Variants in EZH2 observed in about 807,000 individuals in gnomAD.
EZH2 encodes the protein histone-lysine N-methyltransferase EZH2.
A neutral mutation model predicts 98.4 loss-of-function variants in EZH2; 18 were observed. The ratio of observed to expected loss-of-function variants is 0.18; its 90% CI spans 0.13 to 0.27. EZH2 has a LOEUF of 0.27. Ranked by LOEUF, EZH2 falls within the 10% of genes least tolerant of loss-of-function variation. The pLI, the probability that EZH2 is intolerant of heterozygous loss-of-function variation, is 1.00. For missense variants in EZH2, 470 were observed against 935.1 expected (o/e 0.50, Z 6.49); for synonymous variants, 338 against 312.3 (o/e 1.08, Z -0.87).
In EZH2 at chr7:148,840,919, T is replaced by C. The variant is rs144498166; in HGVS notation, c.246+5551A>G. ...GATTTGTTGTTTTATTTTTAAATAG[T>C]TGTCAGAACTCGGTTTTGCATTTGG... On this transcript the variant is annotated intron_variant, in intron 3 of 19. Transcript: ENST00000320356. 3.9e-3 allele frequency among the ~76,000 whole-genome samples: 595 copies of C among 152,308 alleles called. 2 individuals are homozygous for C. The highest frequency in any genetic ancestry group is 0.013 in the African/African-American group (555 of 41,576).
chr7:148,819,073 G>A (rs1805304412), intron 9 of EZH2: 1 of 456,266 alleles, frequency 2.2e-6, no homozygotes, highest in Non-Finnish European at 4.4e-6. Flanking sequence ...GGTTCAAAGA[G>A]GGGAAATGGT....
At chr7:148,826,063 A>G (rs925661603) in intron 8 of EZH2, among the ~76,000 whole-genome samples, 3 of 152,242 alleles carry the variant, frequency 2.0e-5, no homozygotes, top group Non-Finnish European at 4.4e-5. Context: ...ATTACATTAA[A>G]TCGACAAGCA....
chr7:148,829,217 GATA>G (rs905172126), intron 5 of EZH2, among the ~76,000 whole-genome samples: 11 of 152,234 alleles, frequency 7.2e-5, no homozygotes, highest in African/African-American at 2.4e-4. Context: ...GCTTTCTGCT[GATA>G]ATGACAATGG....
chr7:148,816,974 A>C, intron 11 of EZH2, 196 bp from the exon 12 acceptor site: 1 of 596,616 alleles, frequency 1.7e-6, no homozygotes, highest in Non-Finnish European at 2.9e-6. Context: ...CTGTGATGCT[A>C]AATTTCAATT....
chr7:148,817,432 AAAT>A (rs1327127299), intron 10 of EZH2, 41 bp from the exon 11 acceptor site: 1 of 1,590,804 alleles, frequency 6.3e-7, no homozygotes, highest in Non-Finnish European at 8.6e-7. Context: ...AAATGATTGG[AAAT>A]AATATTAAGA....
rs1563181748 is a variant in EZH2 at position 148,807,709 on chromosome 7, G to A, written c.2196-3C>T. 6.3e-7 allele frequency: 1 copy of A among 1,581,280 alleles called. No individual in the cohort carries two copies. Among genetic ancestry groups the A allele is most frequent in the East Asian group, 2.3e-5 (1 of 43,706 alleles). On this transcript the variant is annotated splice_polypyrimidine_tract_variant and splice_region_variant and intron_variant, in intron 19 of 19. Transcript: ENST00000320356. ...TCAGGGCATCAGCCTGGCTGTATCTGAAACAACAGGAAGGAGATGTCCGCT... is the reference window on the plus strand; with the variant it reads ...TCAGGGCATCAGCCTGGCTGTATCTAAAACAACAGGAAGGAGATGTCCGCT...
At chr7:148,862,434 C>G (rs1048848201) in intron 1 of EZH2, among the ~76,000 whole-genome samples, 1 of 152,098 alleles carries the variant, frequency 6.6e-6, no homozygotes, top group Non-Finnish European at 1.5e-5. Flanking sequence ...AAAAGTTTTC[C>G]AAAAATTTTA....
chr7:148,868,792 T>C (rs564462819), intron 1 of EZH2, among the ~76,000 whole-genome samples: 3 of 152,298 alleles, frequency 2.0e-5, no homozygotes, highest in East Asian at 3.9e-4. Flanking sequence ...ATCTCATTCT[T>C]TATTTGAATA....
intron 3 of EZH2, among the ~76,000 whole-genome samples, chr7:148,840,626 C>A (rs900602867): frequency 1.1e-4 from 16 of 152,132 alleles, no homozygotes; most frequent in African/African-American, 2.4e-4. Flanking sequence ...ATTAGCCCAA[C>A]AGGTAGTCAC....
At chr7:148,852,800 T>A (rs2129486689) in intron 1 of EZH2, among the ~76,000 whole-genome samples, 1 of 152,252 alleles carries the variant, frequency 6.6e-6, no homozygotes, top group Middle Eastern at 3.4e-3. Context: ...GAAATTCCCA[T>A]CTTTTTTTTC....
At chr7:148,875,597 C>T (rs1017198209) in intron 1 of EZH2, among the ~76,000 whole-genome samples, 1 of 152,184 alleles carries the variant, frequency 6.6e-6, no homozygotes, top group African/African-American at 2.4e-5. Context: ...ACTGGCAACA[C>T]GAAGTGTCAA....
At chr7:148,864,199 G>A (rs1178612392) in intron 1 of EZH2, among the ~76,000 whole-genome samples, 1 of 152,198 alleles carries the variant, frequency 6.6e-6, no homozygotes, top group African/African-American at 2.4e-5. Flanking sequence ...CTTCCAGCAA[G>A]ACAGTAAACT....
At chr7:148,868,207 A>G (rs960675560) in intron 1 of EZH2, among the ~76,000 whole-genome samples, 3 of 152,198 alleles carry the variant, frequency 2.0e-5, no homozygotes, top group Non-Finnish European at 4.4e-5. Context: ...TCTGTGGTAC[A>G]TATTTTCTGT....
At chr7:148,868,419 C>T (rs1818849609) in intron 1 of EZH2, among the ~76,000 whole-genome samples, 1 of 152,132 alleles carries the variant, frequency 6.6e-6, no homozygotes. Context: ...AGCAAAGTGG[C>T]AGGTGCTACA....
chr7:148,883,458 G>A (rs1414387699), intron 1 of EZH2: 2 of 152,140 alleles, frequency 1.3e-5, no homozygotes, highest in Admixed American at 6.6e-5. Context: ...GGTGCGTCGT[G>A]GGGAAACGTC....
At chr7:148,825,565 T>C (rs778529433) in intron 8 of EZH2, among the ~76,000 whole-genome samples, 24 of 152,148 alleles carry the variant, frequency 1.6e-4, no homozygotes, top group Admixed American at 5.2e-4. Flanking sequence ...TACAGCTGCT[T>C]GGGCAAGCTT....
At chr7:148,870,188 C>A (rs1252102636) in intron 1 of EZH2, among the ~76,000 whole-genome samples, 1 of 152,234 alleles carries the variant, frequency 6.6e-6, no homozygotes, top group Non-Finnish European at 1.5e-5. Flanking sequence ...TCAAGCAACA[C>A]TTCTGCCATC....
At chr7:148,816,900 A>G (rs1563209253) in intron 11 of EZH2, 122 bp from the exon 12 acceptor site, 2 of 719,196 alleles carry the variant, frequency 2.8e-6, no homozygotes, top group Non-Finnish European at 4.9e-6. Context: ...TGCTGGGGAT[A>G]TAACACACAT....
At chr7:148,839,053 T>TAAGGAAAG (rs1554402365) in intron 3 of EZH2, among the ~76,000 whole-genome samples, 1 of 107,744 alleles carries the variant, frequency 9.3e-6, no homozygotes, top group African/African-American at 3.7e-5. Context: ...CTCTGTCAAA[T>TAAGGAAAG]AAGGAAGGAA....
Sources: allele counts gnomAD v4.1 joint callset (sites outside exome capture counted in the v4.1 genomes callset), GRCh38; gene constraint gnomAD v4.1.1; transcripts MANE v1.5; gene names NCBI Gene and HGNC (gene_info 2026-07-23, HGNC 2026-07-21).